Variants in ROS1 observed in about 807,000 individuals in gnomAD.
ROS1 encodes the protein proto-oncogene tyrosine-protein kinase ROS.
A neutral mutation model predicts 273.5 loss-of-function variants in ROS1; 263 were observed. That is an observed-to-expected ratio of 0.96 (90% confidence interval 0.87 to 1.06). The LOEUF (loss-of-function observed/expected upper bound fraction) is 1.06, where lower values mean the gene tolerates loss of function less well. Among genes scored for constraint, ROS1 ranks in the 50% least tolerant of loss-of-function variants. The pLI is 0.00. For synonymous variants in ROS1, 1,008 were observed against 954.1 expected, an observed-to-expected ratio of 1.06 and a Z score of -1.04; for missense variants, 2,833 against 2,751.1, an observed-to-expected ratio of 1.03 and a Z score of -0.67.
chr6:117,380,648 T>G (rs570263250), intron 17 of ROS1, among the ~76,000 whole-genome samples: 1 of 152,100 alleles, frequency 6.6e-6, no homozygotes, highest in Non-Finnish European at 1.5e-5. Context: ...CAACAAACTA[T>G]TCAAACTCTA....
chr6:117,325,854 C>A (rs1776590409), intron 34 of ROS1, among the ~76,000 whole-genome samples: 1 of 151,568 alleles, frequency 6.6e-6, no homozygotes, highest in Admixed American at 6.6e-5. Context: ...AGGTCTTAGG[C>A]CTGTTATGTA....
At chr6:117,340,249 CA>C (rs1777821804) in intron 31 of ROS1, among the ~76,000 whole-genome samples, 3 of 152,040 alleles carry the variant, frequency 2.0e-5, no homozygotes, top group Non-Finnish European at 2.9e-5. Context: ...ACTCAATATT[CA>C]GTGTTGTTCC....
rs909036043 is a variant in ROS1 at position 117,288,146 on chromosome 6, G to A, written c.*346C>T. On this transcript the variant is annotated 3_prime_UTR_variant, in exon 44 of 44. Coordinates refer to ENST00000368507, the MANE Select transcript of ROS1 (RefSeq NM_001378902.1). ...ACACCTATTCTGTCTCTAAACATGT[G>A]GCCAAGATATTTTTATTACAGCCCA... 6.6e-6 allele frequency among the ~76,000 whole-genome samples: 1 copy of A among 152,000 alleles called. No homozygotes were observed. The highest frequency in any genetic ancestry group is 2.4e-5 in the African/African-American group (1 of 41,394).
At chr6:117,321,486 T>C (rs1280439795) in intron 35 of ROS1, 92 bp from the exon 36 acceptor site, 1 of 1,051,952 alleles carries the variant, frequency 9.5e-7, no homozygotes, top group African/African-American at 1.6e-5. Context: ...AGTGTTTTTA[T>C]GCAAGAACAC....
At chr6:117,359,755 T>A in intron 24 of ROS1, 54 bp downstream of exon 24, 1 of 1,404,874 alleles carries the variant, frequency 7.1e-7, no homozygotes, top group Non-Finnish European at 1.0e-6. Flanking sequence ...CAAAGTAGTG[T>A]CATATGCAAA....
intron 3 of ROS1, 140 bp from the exon 4 acceptor site, chr6:117,414,685 G>T (rs996295274): frequency 3.6e-6 from 2 of 558,534 alleles, no homozygotes; most frequent in Admixed American, 3.9e-5. Context: ...AAACAAGGGA[G>T]CCCAGAGCAG....
chr6:117,355,904 C>T (rs977494874), intron 26 of ROS1, among the ~76,000 whole-genome samples: 1 of 152,150 alleles, frequency 6.6e-6, no homozygotes, highest in African/African-American at 2.4e-5. Context: ...AGCCACTGCA[C>T]CTGGCCTTAA....
intron 35 of ROS1, among the ~76,000 whole-genome samples, chr6:117,323,767 C>T (rs562434988): frequency 2.0e-5 from 3 of 152,014 alleles, no homozygotes; most frequent in Non-Finnish European, 2.9e-5. Context: ...AATTTTTCTG[C>T]CTTCCTGGTC....
intron 42 of ROS1, 140 bp from the exon 43 acceptor site, chr6:117,301,277 G>C (rs1015900462): frequency 1.5e-6 from 1 of 654,224 alleles, no homozygotes; most frequent in Non-Finnish European, 2.5e-6. Flanking sequence ...CAAAACAAAG[G>C]CTTTGATTTC....
intron 41 of ROS1, among the ~76,000 whole-genome samples, chr6:117,309,707 T>C (rs1775388450): frequency 6.6e-6 from 1 of 152,126 alleles, no homozygotes; most frequent in Admixed American, 6.6e-5. Flanking sequence ...TTTAAATCCA[T>C]GATTTAAAGT....
chr6:117,367,998 C>A (rs2128665350), intron 18 of ROS1, among the ~76,000 whole-genome samples: 1 of 152,280 alleles, frequency 6.6e-6, no homozygotes, highest in Non-Finnish European at 1.5e-5. Context: ...CATTTATTAT[C>A]CTAGCCTGCT....
intron 33 of ROS1, chr6:117,328,643 G>C (rs2128590539): frequency 1.9e-6 from 1 of 526,340 alleles, no homozygotes; most frequent in Non-Finnish European, 3.8e-6. Context: ...CTTCTTAAAA[G>C]ATGGTTTCAT....
In ROS1 at chr6:117,287,878, A is replaced by T. The variant is rs1268875832; in HGVS notation, c.*614T>A. Among the ~76,000 whole-genome samples, 1 of 150,906 alleles carries T rather than the reference A, an allele frequency of 6.6e-6. No homozygotes were observed. The highest frequency in any genetic ancestry group is 1.9e-4 in the East Asian group (1 of 5,140). ...GAGTTTGCAGTGCCGAGATCGTGCCATTGAACTCCAGCCTGGGCAACAGAG... is the reference window on the plus strand; with the variant it reads ...GAGTTTGCAGTGCCGAGATCGTGCCTTTGAACTCCAGCCTGGGCAACAGAG... On this transcript the variant is annotated 3_prime_UTR_variant, in exon 44 of 44. Coordinates refer to ENST00000368507, the MANE Select transcript of ROS1 (RefSeq NM_001378902.1).
intron 27 of ROS1, among the ~76,000 whole-genome samples, chr6:117,347,534 C>A (rs575841779): frequency 1.6e-4 from 25 of 152,130 alleles, no homozygotes; most frequent in Middle Eastern, 3.4e-3. Context: ...TTTCTTCATT[C>A]CCAATCAGTA....
chr6:117,297,664 AATAAG>A (rs980823160), intron 43 of ROS1, among the ~76,000 whole-genome samples: 2 of 152,212 alleles, frequency 1.3e-5, no homozygotes, highest in African/African-American at 4.8e-5. Context: ...TTAAAATAAT[AATAAG>A]ATATCATCCT....
intron 7 of ROS1, among the ~76,000 whole-genome samples, chr6:117,399,407 G>C (rs1773768820): frequency 6.6e-6 from 1 of 152,220 alleles, no homozygotes; most frequent in Non-Finnish European, 1.5e-5. Flanking sequence ...AGCAAGAATA[G>C]TCAGAATAAT....
rs915613483 is a variant in ROS1 at position 117,389,126 on chromosome 6, A to G, written c.1786+224T>C. 5.3e-5 allele frequency among the ~76,000 whole-genome samples: 8 copies of G among 152,344 alleles called. No homozygotes were observed. In the South Asian group the frequency reaches 1.7e-3, roughly 32 times the overall value. On this transcript the variant is annotated intron_variant, in intron 13 of 43. Transcript: ENST00000368507. ...TTAGCAGACACTCAATAAATGTTCA[A>G]ATTATTCTATTGGGATATACATGAG...
At position 117,321,412 on chromosome 6, in the gene ROS1, A is replaced by T. The variant is rs2128563813; in HGVS notation, c.5624-18T>A. 6.4e-7 allele frequency: 1 copy of T among 1,571,972 alleles called. No individual in the cohort carries two copies. The highest frequency in any genetic ancestry group is 1.4e-5 in the African/African-American group (1 of 72,998). On this transcript the variant is annotated intron_variant, in intron 35 of 43. Coordinates refer to ENST00000368507, the MANE Select transcript of ROS1 (RefSeq NM_001378902.1). ...ATGCCAGACTATAAAGGAAAAAATG[A>T]CATAATTTACAAAATAAAATATTGC... is the stretch of plus-strand genomic sequence containing the variant.
At chr6:117,319,080 C>T (rs1453025834) in intron 37 of ROS1, among the ~76,000 whole-genome samples, 1 of 152,108 alleles carries the variant, frequency 6.6e-6, no homozygotes, top group Non-Finnish European at 1.5e-5. Context: ...GTATAGCTCA[C>T]TCTCAAAGCA....
Sources: gnomAD v4.1 joint callset for allele counts (sites outside exome capture counted in the v4.1 genomes callset) on GRCh38, gnomAD v4.1.1 for gene constraint, MANE v1.5 for transcripts, NCBI Gene and HGNC (gene_info 2026-07-23, HGNC 2026-07-21) for gene names.